Variants in SPATS2L observed in about 807,000 individuals in gnomAD.
SPATS2L encodes the protein SPATS2-like protein.
In SPATS2L, 30 loss-of-function variants were observed where a neutral mutation model predicts 59.6. The observed-to-expected ratio is 0.50, with a 90% CI of 0.38 to 0.68. The LOEUF is 0.68. SPATS2L is among the 30% of genes least tolerant of loss of function. The pLI, the probability that SPATS2L is intolerant of heterozygous loss-of-function variation, is 0.00. For missense variants in SPATS2L, 615 were observed against 700.0 expected (o/e 0.88, Z 1.37); for synonymous variants, 252 against 263.5 (o/e 0.96, Z 0.42).
chr2:200,351,532 G>A (rs1336449939), intron 2 of SPATS2L, among the ~76,000 whole-genome samples: 3 of 152,094 alleles, frequency 2.0e-5, no homozygotes, highest in African/African-American at 7.2e-5. Context: ...AACACCTGAT[G>A]TATTTTGGTT....
chr2:200,334,988 C>T (rs557760003), intron 2 of SPATS2L, among the ~76,000 whole-genome samples: 2 of 152,204 alleles, frequency 1.3e-5, no homozygotes, highest in African/African-American at 4.8e-5. Flanking sequence ...ATTGACTTGG[C>T]GATGCAGGCT....
At chr2:200,379,024 G>A (rs79140663) in intron 2 of SPATS2L, among the ~76,000 whole-genome samples, 369 of 152,314 alleles carry the variant, frequency 2.4e-3, no homozygotes, top group Non-Finnish European at 4.3e-3. Context: ...ACAGACCACA[G>A]CCCCAGTGTT....
upstream of SPATS2L, chr2:200,305,968 C>T: frequency 1.2e-6 from 1 of 838,254 alleles, no homozygotes; most frequent in Non-Finnish European, 1.4e-6. Context: ...TTTACTCTCC[C>T]GACTACTGTA....
At chr2:200,450,920 A>G (rs976007046) in intron 8 of SPATS2L, among the ~76,000 whole-genome samples, 6 of 152,296 alleles carry the variant, frequency 3.9e-5, no homozygotes, top group Admixed American at 2.6e-4. Flanking sequence ...GGAAGACTAG[A>G]AATTTGCCAG....
intron 2 of SPATS2L, chr2:200,378,136 C>T (rs2081663317): frequency 2.9e-6 from 2 of 679,564 alleles, no homozygotes; most frequent in Non-Finnish European, 3.7e-6. Flanking sequence ...CTTTCTGTTG[C>T]TCAGGTGACC....
At chr2:200,375,172 A>C (rs1412515772) in intron 2 of SPATS2L, among the ~76,000 whole-genome samples, 1 of 152,210 alleles carries the variant, frequency 6.6e-6, no homozygotes, top group Non-Finnish European at 1.5e-5. Flanking sequence ...AAGTGCATGT[A>C]GGTGCCAACA....
chr2:200,315,257 C>T (rs1343558484), intron 1 of SPATS2L, among the ~76,000 whole-genome samples: 1 of 152,212 alleles, frequency 6.6e-6, no homozygotes, highest in African/African-American at 2.4e-5. Flanking sequence ...GAGACAGCTT[C>T]TGAACGCTAT....
chr2:200,319,076 A>G (rs2079473074), intron 1 of SPATS2L, among the ~76,000 whole-genome samples: 1 of 152,166 alleles, frequency 6.6e-6, no homozygotes, highest in East Asian at 1.9e-4. Context: ...TTGGTCTTCC[A>G]TCCGCCCTTT....
At chr2:200,338,737 T>G (rs896452871) in intron 2 of SPATS2L, among the ~76,000 whole-genome samples, 2 of 152,230 alleles carry the variant, frequency 1.3e-5, no homozygotes, top group African/African-American at 2.4e-5. Context: ...ACACATCAGT[T>G]GGTTAACACC....
intron 8 of SPATS2L, among the ~76,000 whole-genome samples, chr2:200,454,519 G>C (rs1273474820): frequency 2.6e-5 from 4 of 152,150 alleles, no homozygotes; most frequent in African/African-American, 4.8e-5. Context: ...TCTATAGAAA[G>C]GAATCAAGAC....
At chr2:200,436,159 G>A (rs1041159231) in intron 6 of SPATS2L, among the ~76,000 whole-genome samples, 1 of 152,056 alleles carries the variant, frequency 6.6e-6, no homozygotes, top group Non-Finnish European at 1.5e-5. Context: ...GTGGACTCCC[G>A]ATAAATGGAG....
intron 6 of SPATS2L, among the ~76,000 whole-genome samples, chr2:200,436,240 T>G (rs1047457694): frequency 6.6e-6 from 1 of 152,208 alleles, no homozygotes; most frequent in Non-Finnish European, 1.5e-5. Context: ...GTTATAGCTC[T>G]ATAACGCTCC....
intron 8 of SPATS2L, among the ~76,000 whole-genome samples, chr2:200,454,110 G>A (rs529911335): frequency 9.2e-5 from 14 of 152,138 alleles, no homozygotes; most frequent in Non-Finnish European, 1.8e-4. Context: ...GATGGTCCCC[G>A]GCAATTCCTC....
chr2:200,411,048 T>C (rs1027206687), intron 3 of SPATS2L, among the ~76,000 whole-genome samples: 1 of 149,846 alleles, frequency 6.7e-6, no homozygotes, highest in African/African-American at 2.4e-5. Flanking sequence ...TATATAATAT[T>C]AGAGTCCTCA....
chr2:200,454,570 TTAAC>T (rs201113280), intron 8 of SPATS2L, among the ~76,000 whole-genome samples: 1 of 142,214 alleles, frequency 7.0e-6, no homozygotes, highest in Non-Finnish European at 1.6e-5. Context: ...ATCTCTGTGA[TTAAC>T]TATATAATAA....
chr2:200,402,095 T>G (rs1397228707), intron 3 of SPATS2L, among the ~76,000 whole-genome samples: 4 of 152,220 alleles, frequency 2.6e-5, no homozygotes, highest in Non-Finnish European at 5.9e-5. Flanking sequence ...CCAAGAAATT[T>G]GTGAGTCTTT....
intron 4 of SPATS2L, among the ~76,000 whole-genome samples, chr2:200,413,442 G>A (rs1318749007): frequency 6.6e-6 from 1 of 152,040 alleles, no homozygotes; most frequent in Non-Finnish European, 1.5e-5. Context: ...GTAAATTTTG[G>A]GAAATTATCC....
intron 6 of SPATS2L, among the ~76,000 whole-genome samples, chr2:200,424,180 G>C (rs967701145): frequency 2.0e-5 from 3 of 152,146 alleles, no homozygotes; most frequent in Admixed American, 6.5e-5. Flanking sequence ...ATCAGGCAAA[G>C]AGTAGATCAA....
intron 8 of SPATS2L, among the ~76,000 whole-genome samples, chr2:200,454,457 A>G (rs919733846): frequency 1.3e-5 from 2 of 152,196 alleles, no homozygotes; most frequent in Non-Finnish European, 1.5e-5. Context: ...TGATAAATCT[A>G]TTACTACTAA....
Sources: gnomAD v4.1 joint callset for allele counts (sites outside exome capture counted in the v4.1 genomes callset) on GRCh38, gnomAD v4.1.1 for gene constraint, MANE v1.5 for transcripts, NCBI Gene and HGNC (gene_info 2026-07-23, HGNC 2026-07-21) for gene names.